The following FMNL2 variants were observed in gnomAD, a reference collection of about 807,000 sequenced individuals.
FMNL2 encodes the protein formin like 2, also known as formin-like protein 2.
In FMNL2, 51 loss-of-function variants were observed where a neutral mutation model predicts 130.2. The ratio of observed to expected loss-of-function variants is 0.39; its 90% CI spans 0.31 to 0.49. The LOEUF is 0.49. FMNL2 is among the 20% of genes least tolerant of loss of function. The pLI, the probability that FMNL2 is intolerant of heterozygous loss-of-function variation, is 0.85. For synonymous variants in FMNL2, 465 were observed against 467.1 expected (o/e 1.00, Z 0.06); for missense variants, 977 against 1,316.2 (o/e 0.74, Z 3.99).
chr2:152,582,760 C>T (rs1040045617), intron 9 of FMNL2, among the ~76,000 whole-genome samples: 7 of 152,104 alleles, frequency 4.6e-5, no homozygotes, highest in Non-Finnish European at 1.0e-4. Context: ...GCTCATATAA[C>T]GCCCAAATCT....
chr2:152,343,903 A>C (rs1236383476), intron 1 of FMNL2, among the ~76,000 whole-genome samples: 1 of 152,178 alleles, frequency 6.6e-6, no homozygotes, highest in Non-Finnish European at 1.5e-5. Context: ...CTGTAATCCC[A>C]GCACTTTGGG....
At chr2:152,356,247 C>T (rs1454434815) in intron 1 of FMNL2, among the ~76,000 whole-genome samples, 2 of 152,156 alleles carry the variant, frequency 1.3e-5, no homozygotes, top group Admixed American at 6.5e-5. Flanking sequence ...CTCAGCCTTC[C>T]GAGTAGCTGG....
intron 22 of FMNL2, 72 bp downstream of exon 22, chr2:152,636,662 A>G: frequency 6.8e-6 from 10 of 1,472,338 alleles, no homozygotes; most frequent in Non-Finnish European, 7.3e-6. Flanking sequence ...CAGGCCCTGT[A>G]TTTGGGGAGA....
intron 1 of FMNL2, among the ~76,000 whole-genome samples, chr2:152,375,852 T>TCG: frequency 1.1e-5 from 1 of 94,870 alleles, no homozygotes; most frequent in Non-Finnish European, 2.1e-5. Context: ...CCATTGAAGC[T>TCG]CTCTCTCTCT....
chr2:152,460,066 C>A (rs1053661273), intron 1 of FMNL2, among the ~76,000 whole-genome samples: 1 of 152,152 alleles, frequency 6.6e-6, no homozygotes, highest in African/African-American at 2.4e-5. Context: ...TAAGTCAGTT[C>A]TCTATTTAAC....
At chr2:152,609,548 A>C (rs1448205477) in intron 10 of FMNL2, among the ~76,000 whole-genome samples, 1 of 152,208 alleles carries the variant, frequency 6.6e-6, no homozygotes, top group Non-Finnish European at 1.5e-5. Flanking sequence ...TTGTTTCTTT[A>C]AAAAATATTT....
chr2:152,341,288 G>A (rs186157664), intron 1 of FMNL2, among the ~76,000 whole-genome samples: 12 of 152,284 alleles, frequency 7.9e-5, no homozygotes, highest in Admixed American at 7.2e-4. Context: ...GGTTAGGGCT[G>A]TTATCATTAT....
At chr2:152,390,355 A>G in intron 1 of FMNL2, 1 of 1,112,682 alleles carries the variant, frequency 9.0e-7, no homozygotes, top group South Asian at 1.2e-5. Flanking sequence ...GAGGATGGCA[A>G]GGTGGTGACT....
chr2:152,560,886 T>C lies in FMNL2; in HGVS notation c.447T>C (p.Phe149=). The C allele has an allele frequency of 2.5e-6, 4 of 1,606,424 alleles. No individual in the cohort carries two copies. Among genetic ancestry groups the C allele is most frequent in the Non-Finnish European group, 3.4e-6 (4 of 1,175,864 alleles). Reference sequence around the variant, plus strand: ...TGGCATTTCTCTTTTGTTTTAGTTTTGACTTTGAAAGTGTGGAGAGTACTG... The same window carrying C: ...TGGCATTTCTCTTTTGTTTTAGTTTCGACTTTGAAAGTGTGGAGAGTACTG... ...YLSFAQYAVT[F]DFESVESTVE... The change falls in exon 6 of 26, where the codon TTT becomes TTC. Residue 149 remains phenylalanine (F), a synonymous_variant. Coordinates refer to ENST00000288670, the MANE Select transcript of FMNL2 (RefSeq NM_052905.4).
At chr2:152,478,241 TATATATATA>T (rs1362640011) in intron 1 of FMNL2, among the ~76,000 whole-genome samples, 1 of 36,378 alleles carries the variant, frequency 2.7e-5, no homozygotes, top group Non-Finnish European at 6.6e-5. Flanking sequence ...TATATATATA[TATATATATA>T]TTTTTTTTTT....
At chr2:152,560,834 T>C (rs771025648) in intron 5 of FMNL2, 49 bp from the exon 6 acceptor site, 2 of 1,558,810 alleles carry the variant, frequency 1.3e-6, no homozygotes, top group Non-Finnish European at 1.7e-6. Context: ...CGTTTATACA[T>C]GTGAATGTGA....
chr2:152,626,843 G>A (rs184966276), intron 17 of FMNL2, 116 bp downstream of exon 17: 831 of 1,160,914 alleles, frequency 7.2e-4, no homozygotes, highest in Non-Finnish European at 9.2e-4. Context: ...ATAAAAGCTG[G>A]AGCAATTTTT....
chr2:152,605,322 G>C (rs966800123), intron 9 of FMNL2, among the ~76,000 whole-genome samples: 1 of 118,832 alleles, frequency 8.4e-6, no homozygotes, highest in African/African-American at 4.6e-5. Flanking sequence ...GTGTGTGCGT[G>C]TGTGTGTGTG....
intron 15 of FMNL2, chr2:152,622,637 T>C: frequency 2.2e-6 from 1 of 456,362 alleles, no homozygotes; most frequent in South Asian, 1.5e-5. Flanking sequence ...ATCTTTCCAC[T>C]CCATTTTGCT....
intron 9 of FMNL2, among the ~76,000 whole-genome samples, chr2:152,602,954 G>T (rs1282077763): frequency 6.6e-6 from 1 of 152,220 alleles, no homozygotes; most frequent in Non-Finnish European, 1.5e-5. Context: ...CCAGATGTGA[G>T]CAGTATGAAC....
At chr2:152,546,677 C>T (rs992386309) in intron 3 of FMNL2, among the ~76,000 whole-genome samples, 13 of 152,130 alleles carry the variant, frequency 8.5e-5, no homozygotes, top group Non-Finnish European at 1.5e-5. Flanking sequence ...TTCTGACAAC[C>T]ACCTGTGCAG....
At chr2:152,564,108 C>T (rs527315035) in intron 6 of FMNL2, among the ~76,000 whole-genome samples, 78 of 152,036 alleles carry the variant, frequency 5.1e-4, no homozygotes, top group African/African-American at 1.8e-3. Flanking sequence ...TATGATTCCT[C>T]ATTTTTAGAA....
chr2:152,336,137 C>A (rs1361915447), intron 1 of FMNL2, among the ~76,000 whole-genome samples: 5 of 148,608 alleles, frequency 3.4e-5, no homozygotes, highest in Admixed American at 2.7e-4. Flanking sequence ...TGAGCCCCTG[C>A]GGACCATCCC....
intron 1 of FMNL2, among the ~76,000 whole-genome samples, chr2:152,378,430 CTTAAA>C (rs1164115067): frequency 3.9e-5 from 6 of 152,158 alleles, no homozygotes; most frequent in African/African-American, 9.7e-5. Flanking sequence ...CCAATGTAGA[CTTAAA>C]TTAAATAAAT....
Sources: gnomAD v4.1 joint callset for allele counts (sites outside exome capture counted in the v4.1 genomes callset) on GRCh38, gnomAD v4.1.1 for gene constraint, MANE v1.5 for transcripts, NCBI Gene and HGNC (gene_info 2026-07-23, HGNC 2026-07-21) for gene names.